Variants in RAD51B observed in about 807,000 individuals in gnomAD.
The protein encoded by RAD51B is RAD51 paralog B.
In RAD51B, 38 loss-of-function variants were observed where a neutral mutation model predicts 42.2. That is an observed-to-expected ratio of 0.90 (90% CI 0.70 to 1.18). The LOEUF is 1.18. RAD51B is among the 50% of genes most tolerant of loss of function. The probability of loss-of-function intolerance (pLI) is 0.00; values close to 1 mark genes in which losing one functional copy is unlikely to be tolerated. For missense variants in RAD51B, 373 were observed against 400.7 expected (o/e 0.93, Z 0.59); for synonymous variants, 154 against 145.2 (o/e 1.06, Z -0.43).
At chr14:68,179,029 A>G (rs939711469) in intron 7 of RAD51B, among the ~76,000 whole-genome samples, 1 of 152,172 alleles carries the variant, frequency 6.6e-6, no homozygotes, top group Non-Finnish European at 1.5e-5. Flanking sequence ...GTGTGTTTCT[A>G]TATTGGCATT....
chr14:68,620,022 C>G (rs1250170690), intron 10 of RAD51B, among the ~76,000 whole-genome samples: 2 of 152,182 alleles, frequency 1.3e-5, no homozygotes. Context: ...TCCAGGGCCA[C>G]TACCCCGGGG....
At chr14:68,672,879 C>T (rs1462604304) in intron 11 of RAD51B, among the ~76,000 whole-genome samples, 1 of 152,182 alleles carries the variant, frequency 6.6e-6, no homozygotes, top group Non-Finnish European at 1.5e-5. Flanking sequence ...AATCGTGCTC[C>T]TGATTAGTCT....
intron 10 of RAD51B, chr14:68,545,453 C>T (rs1247955864): frequency 2.5e-6 from 1 of 407,398 alleles, no homozygotes; most frequent in African/African-American, 2.0e-5. Flanking sequence ...CAGGCACCTG[C>T]TGTGTGCCAG....
At chr14:67,866,951 A>T (rs1566931987) in intron 5 of RAD51B, among the ~76,000 whole-genome samples, 1 of 152,202 alleles carries the variant, frequency 6.6e-6, no homozygotes, top group Non-Finnish European at 1.5e-5. Context: ...TATGAAGGTC[A>T]TTTGAGAATA....
At chr14:68,517,570 A>T (rs1003464473) in intron 10 of RAD51B, among the ~76,000 whole-genome samples, 2 of 152,166 alleles carry the variant, frequency 1.3e-5, no homozygotes, top group Non-Finnish European at 2.9e-5. Flanking sequence ...ATCCCAGGGG[A>T]CTGCAGACCT....
intron 10 of RAD51B, among the ~76,000 whole-genome samples, chr14:68,605,601 C>T (rs1407778129): frequency 1.3e-5 from 2 of 152,208 alleles, no homozygotes; most frequent in Non-Finnish European, 2.9e-5. Context: ...GGGCGTGCAC[C>T]TCCATCTGCA....
At chr14:67,838,006 A>AT (rs2041303676) in intron 4 of RAD51B, among the ~76,000 whole-genome samples, 1 of 152,054 alleles carries the variant, frequency 6.6e-6, no homozygotes, top group Non-Finnish European at 1.5e-5. Context: ...TATGAGATCA[A>AT]TTTTTTTAGC....
intron 7 of RAD51B, among the ~76,000 whole-genome samples, chr14:68,118,741 C>T (rs958318378): frequency 1.7e-4 from 26 of 152,124 alleles, no homozygotes; most frequent in African/African-American, 5.8e-4. Context: ...TATGATTTCT[C>T]ATTTGATTTG....
chr14:68,336,858 G>T (rs1365269696), intron 8 of RAD51B, among the ~76,000 whole-genome samples: 1 of 152,144 alleles, frequency 6.6e-6, no homozygotes, highest in Non-Finnish European at 1.5e-5. Flanking sequence ...TGTCCCCAGT[G>T]CTTTTAACCA....
chr14:68,456,927 T>TTTTTG (rs2085709155), intron 9 of RAD51B, among the ~76,000 whole-genome samples: 1 of 121,140 alleles, frequency 8.3e-6, no homozygotes, highest in Non-Finnish European at 1.6e-5. Flanking sequence ...TTTTTGCTTT[T>TTTTTG]TTTGAGACAG....
chr14:68,673,900 A>C (rs867950688), intron 11 of RAD51B, among the ~76,000 whole-genome samples: 1 of 150,452 alleles, frequency 6.6e-6, no homozygotes, highest in Non-Finnish European at 1.5e-5. Flanking sequence ...ACATGCACAC[A>C]CATACTGTAC....
At chr14:68,678,333 T>A (rs1360306441) in intron 11 of RAD51B, among the ~76,000 whole-genome samples, 1 of 152,168 alleles carries the variant, frequency 6.6e-6, no homozygotes, top group Non-Finnish European at 1.5e-5. Context: ...TCTGAACCTG[T>A]TGAGCTTGAT....
chr14:68,262,947 G>C (rs529621801), intron 7 of RAD51B, among the ~76,000 whole-genome samples: 67 of 152,184 alleles, frequency 4.4e-4, no homozygotes, highest in African/African-American at 1.6e-3. Context: ...CTTGATTTCT[G>C]AAGCCTCCTG....
chr14:67,875,191 G>C (rs535319904), intron 5 of RAD51B, among the ~76,000 whole-genome samples: 15 of 152,226 alleles, frequency 9.9e-5, no homozygotes, highest in African/African-American at 3.6e-4. Flanking sequence ...AAATTGGGAA[G>C]ACAATTAGTC....
intron 7 of RAD51B, among the ~76,000 whole-genome samples, chr14:68,272,635 T>TTATATATATATATATACA (rs2081130105): frequency 1.5e-4 from 3 of 19,852 alleles, no homozygotes; most frequent in African/African-American, 6.2e-4. Context: ...TATAAACACT[T>TTATATATATATATATACA]TATATATATA....
At chr14:67,921,049 T>G (rs1452929446) in intron 7 of RAD51B, among the ~76,000 whole-genome samples, 9 of 151,920 alleles carry the variant, frequency 5.9e-5, no homozygotes, top group Non-Finnish European at 1.5e-5. Flanking sequence ...CATGCTGGAG[T>G]TTAGTCAGTT....
At chr14:68,097,575 C>G (rs2077217439) in intron 7 of RAD51B, among the ~76,000 whole-genome samples, 1 of 152,188 alleles carries the variant, frequency 6.6e-6, no homozygotes, top group Non-Finnish European at 1.5e-5. Context: ...TCCATTTCCA[C>G]TGCTATTACC....
intron 7 of RAD51B, chr14:67,887,582 TAAA>T (rs998398563): frequency 6.2e-6 from 1 of 160,242 alleles, no homozygotes; most frequent in Non-Finnish European, 1.4e-5. Flanking sequence ...TCTATATAAT[TAAA>T]AAAAATACTG....
At chr14:68,530,475 A>G (rs1434502551) in intron 10 of RAD51B, among the ~76,000 whole-genome samples, 3 of 149,254 alleles carry the variant, frequency 2.0e-5, no homozygotes, top group Non-Finnish European at 3.0e-5. Flanking sequence ...AAAAAGAGAT[A>G]AAGAAAGAAA....
Sources: gnomAD v4.1 joint callset for allele counts (sites outside exome capture counted in the v4.1 genomes callset) on GRCh38, gnomAD v4.1.1 for gene constraint, MANE v1.5 for transcripts, NCBI Gene and HGNC (gene_info 2026-07-23, HGNC 2026-07-21) for gene names.